NPIPB2: variants seen among roughly 807,000 people sequenced by gnomAD.
NPIPB2 encodes nuclear pore complex interacting protein family member B2.
In NPIPB2, 27 loss-of-function variants were observed where a neutral mutation model predicts 30.8. That is an observed-to-expected ratio of 0.88 (90% CI 0.65 to 1.21). NPIPB2 has a LOEUF of 1.21. Ranked by LOEUF, NPIPB2 falls within the 50% of genes most tolerant of loss-of-function variation. The pLI is 0.00. For missense variants in NPIPB2, 440 were observed against 446.2 expected, an observed-to-expected ratio of 0.99 and a Z score of 0.13; for synonymous variants, 147 against 162.0, an observed-to-expected ratio of 0.91 and a Z score of 0.70.
intron 1 of NPIPB2, among the ~76,000 whole-genome samples, chr16:11,939,036 G>A (rs2054904136): frequency 6.6e-6 from 1 of 152,086 alleles, no homozygotes; most frequent in Non-Finnish European, 1.5e-5. Flanking sequence ...GTGAGCCACT[G>A]CACCTGGCCA....
At chr16:11,961,833 C>T (rs926688035) in intron 1 of NPIPB2, among the ~76,000 whole-genome samples, 5 of 151,268 alleles carry the variant, frequency 3.3e-5, no homozygotes, top group African/African-American at 1.2e-4. Flanking sequence ...TATCTGCCTC[C>T]TGGGTGGATA....
At chr16:11,965,267 T>C (rs2055184395) in intron 1 of NPIPB2, 3 of 1,607,410 alleles carry the variant, frequency 1.9e-6, no homozygotes, top group Non-Finnish European at 2.6e-6. Flanking sequence ...CTTGTAGAGA[T>C]ATTACTTGTC....
At chr16:11,941,564 C>G (rs189451493) in intron 1 of NPIPB2, among the ~76,000 whole-genome samples, 6 of 151,042 alleles carry the variant, frequency 4.0e-5, no homozygotes, top group African/African-American at 4.9e-5. Context: ...CAACAGGACA[C>G]GCGGGGCAAG....
intron 1 of NPIPB2, among the ~76,000 whole-genome samples, chr16:11,974,033 A>G (rs1407329247): frequency 1.3e-5 from 2 of 152,120 alleles, no homozygotes. Context: ...TTTTACAGGG[A>G]GGGGAAAAAT....
intron 1 of NPIPB2, among the ~76,000 whole-genome samples, chr16:11,971,662 T>G (rs2150945320): frequency 6.6e-6 from 1 of 152,040 alleles, no homozygotes; most frequent in East Asian, 2.0e-4. Flanking sequence ...GCTCAGCTAA[T>G]TTTTGTATTT....
intron 1 of NPIPB2, chr16:11,965,141 T>C (rs2055182975): frequency 1.5e-6 from 1 of 663,408 alleles, no homozygotes; most frequent in Admixed American, 2.8e-5. Flanking sequence ...TTAGATGTGG[T>C]ATTCAAATCC....
At chr16:11,930,536 T>G in exon 5 of NPIPB2, 1 of 1,586,114 alleles carries the variant, frequency 6.3e-7, no homozygotes. Flanking sequence ...GCTCACATTC[T>G]TTCACGCTTA....
chr16:11,946,022 C>CAAAA (rs200825715), upstream of NPIPB2, among the ~76,000 whole-genome samples: 1 of 70,180 alleles, frequency 1.4e-5, no homozygotes, highest in Admixed American at 1.3e-4. Flanking sequence ...GTGGCTTCTA[C>CAAAA]AAAAAAAAAA....
chr16:11,968,455 C>T (rs553295858), intron 1 of NPIPB2: 2 of 152,402 alleles, frequency 1.3e-5, no homozygotes, highest in South Asian at 4.1e-4. Flanking sequence ...CCAGCCTGGG[C>T]AAGAGGGTGA....
chr16:11,958,303 T>C (rs1054916020), intron 1 of NPIPB2, among the ~76,000 whole-genome samples: 2 of 151,824 alleles, frequency 1.3e-5, no homozygotes, highest in African/African-American at 4.8e-5. Flanking sequence ...GGTGGGTGCC[T>C]GTAATCCCAG....
At position 11,937,807 on chromosome 16, in the gene NPIPB2, T is replaced by C. The variant is rs878981473; in HGVS notation, c.64-139A>G. The C allele has an allele frequency of 1.2e-4, 167 of 1,443,998 alleles. 3 individuals are homozygous for C. In the South Asian group the frequency reaches 1.6e-3, roughly 13 times the overall value. The allele number at this position is 1,443,998 out of a possible 1,614,324, so 89.4% of individuals were successfully genotyped here. On this transcript the variant is annotated intron_variant, in intron 1 of 7. Coordinates refer to ENST00000399147, the Ensembl canonical transcript of NPIPB2. ...CAGATATCACCGTGGGATTCCACTG[T>C]TACAAAAAAGAACAGAAGTTAGAAG... is the stretch of plus-strand genomic sequence containing the variant.
At chr16:11,961,357 A>T (rs1239799905) in intron 1 of NPIPB2, among the ~76,000 whole-genome samples, 5 of 152,060 alleles carry the variant, frequency 3.3e-5, no homozygotes, top group Non-Finnish European at 7.3e-5. Context: ...GAGGAATTTG[A>T]CGTTTTGATC....
intron 1 of NPIPB2, chr16:11,941,185 C>T (rs145178389): frequency 0.065 from 94,248 of 1,440,738 alleles, 13,448 homozygotes; most frequent in African/African-American, 0.5. Context: ...GGACTGATGG[C>T]TGATAAATTC....
chr16:11,947,312 ATTTATTTATT>A (rs1267121106), intron 1 of NPIPB2, among the ~76,000 whole-genome samples: 4 of 74,416 alleles, frequency 5.4e-5, no homozygotes, highest in East Asian at 3.5e-4. Flanking sequence ...TTATTTATTT[ATTTATTTATT>A]TATATATATA....
At chr16:11,962,502 C>T (rs544261083) in intron 1 of NPIPB2, among the ~76,000 whole-genome samples, 1 of 151,316 alleles carries the variant, frequency 6.6e-6, no homozygotes, top group African/African-American at 2.4e-5. Flanking sequence ...GTCCCAGCTA[C>T]TCTGGAGGCT....
At position 11,967,532 on chromosome 16, in the gene NPIPB2, T is replaced by A. The variant is rs770925511; in HGVS notation, c.-584+9036A>T. The stretch of plus-strand genomic sequence containing the variant: ...AAGACTCTCATGACCACATTCTCTG[T>A]GAAGTTTGGGTTAATGTTTCCGTTT... On this transcript the variant is annotated intron_variant, in intron 1 of 5. Transcript: ENST00000538896. The A allele has an allele frequency of 1.9e-6, 3 of 1,588,792 alleles. No homozygotes were observed. In the East Asian group the frequency reaches 6.7e-5, roughly 36 times the overall value.
At chr16:11,930,656 G>T in intron 4 of NPIPB2, 105 bp from the exon 5 acceptor site, 1 of 898,290 alleles carries the variant, frequency 1.1e-6, no homozygotes, top group Non-Finnish European at 1.7e-6. Flanking sequence ...GATCCCCCCT[G>T]CAACCTTCCC....
chr16:11,962,348 T>C (rs2055159111), intron 1 of NPIPB2, among the ~76,000 whole-genome samples: 1 of 149,324 alleles, frequency 6.7e-6, no homozygotes. Context: ...AAAATACAAA[T>C]ATTAGCTGGG....
At chr16:11,942,088 C>T (rs2054950354), upstream of NPIPB2, 3 of 1,526,356 alleles carry the variant, frequency 2.0e-6, no homozygotes. Flanking sequence ...ATCTCCATCA[C>T]ATCCATGTAG....
Sources: allele counts gnomAD v4.1 joint callset (sites outside exome capture counted in the v4.1 genomes callset), GRCh38; gene constraint gnomAD v4.1.1; transcripts MANE v1.5; gene names NCBI Gene and HGNC (gene_info 2026-07-23, HGNC 2026-07-21).